Variants in DAPK2 observed in about 807,000 individuals in gnomAD.
The protein encoded by DAPK2 is death associated protein kinase 2, also known as death-associated protein kinase 2.
Under a neutral mutation model 44.1 loss-of-function variants are expected in DAPK2, and 35 were observed. That is an observed-to-expected ratio of 0.79 (90% CI 0.61 to 1.05). The LOEUF is 1.05. DAPK2 is among the 50% of genes least tolerant of loss of function. The pLI, the probability that DAPK2 is intolerant of heterozygous loss-of-function variation, is 0.00. For synonymous variants in DAPK2, 174 were observed against 182.6 expected (o/e 0.95, Z 0.38); for missense variants, 453 against 483.2 (o/e 0.94, Z 0.59).
intron 3 of DAPK2, among the ~76,000 whole-genome samples, chr15:63,952,799 C>T (rs542320097): frequency 3.9e-5 from 6 of 152,246 alleles, no homozygotes; most frequent in African/African-American, 1.4e-4. Flanking sequence ...CTTTGTGTTA[C>T]AAACAAAGCA....
chr15:63,982,555 C>T (rs1407604818), intron 2 of DAPK2, among the ~76,000 whole-genome samples: 1 of 152,170 alleles, frequency 6.6e-6, no homozygotes. Context: ...CACAACCCAA[C>T]TCAAACTCTA....
intron 1 of DAPK2, among the ~76,000 whole-genome samples, chr15:63,987,930 T>C (rs555181130): frequency 6.6e-6 from 1 of 151,988 alleles, no homozygotes; most frequent in Non-Finnish European, 1.5e-5. Flanking sequence ...GTTTGGGAAA[T>C]CATGAGGTAA....
rs914974473 is a variant in DAPK2, at chr15:64,002,099, C to T, written c.93-18345G>A. ...TACACTCTCAAATCCTTGGGAGGCT[C>T]ATGGGGACAGGTATTGCCAACTCCT... On this transcript the variant is annotated intron_variant, in intron 1 of 10. Transcript: ENST00000261891. Among the ~76,000 whole-genome samples, 5 of 152,322 alleles carry T rather than the reference C, an allele frequency of 3.3e-5. No homozygotes were observed. The East Asian group carries it at 9.6e-4, about 29-fold the overall frequency.
chr15:63,984,431 C>T (rs2078616100), intron 1 of DAPK2, among the ~76,000 whole-genome samples: 2 of 152,146 alleles, frequency 1.3e-5, no homozygotes, highest in East Asian at 1.9e-4. Flanking sequence ...AAACCCATTA[C>T]TCCAGGGACA....
intron 1 of DAPK2, among the ~76,000 whole-genome samples, chr15:64,007,609 T>C: frequency 6.6e-6 from 1 of 152,238 alleles, no homozygotes; most frequent in East Asian, 1.9e-4. Context: ...AGCTCTGTGA[T>C]GCTTCTCCTA....
rs1392469917 is a variant in DAPK2, at chr15:64,036,271, ATATGTGTGTGTGTG to A, written c.92+3885_92+3898del. Reference sequence around the variant, plus strand: ...TGAAACTCCATCTCAAAATATATATATATGTGTGTGTGTGTGTGTGTGTGTGTGTGTGTGTGTGT... The same window carrying A: ...TGAAACTCCATCTCAAAATATATATATGTGTGTGTGTGTGTGTGTGTGTGT... On this transcript the variant is annotated intron_variant, in intron 1 of 10. Coordinates refer to ENST00000261891, the Ensembl canonical transcript of DAPK2. 7.7e-4 allele frequency among the ~76,000 whole-genome samples: 66 copies of A among 85,334 alleles called. 1 individual carries two copies. Among genetic ancestry groups the A allele is most frequent in the African/African-American group, 2.3e-3 (61 of 26,070 alleles). The allele number at this position is 85,334 out of a possible 152,430, so 56.0% of individuals were successfully genotyped here. A position where few individuals can be genotyped will look rare whatever the true frequency, so the allele number is the denominator to read the frequency against.
At chr15:63,991,546 CAG>C (rs1385908637) in intron 1 of DAPK2, among the ~76,000 whole-genome samples, 2 of 152,076 alleles carry the variant, frequency 1.3e-5, no homozygotes, top group African/African-American at 4.8e-5. Context: ...ATATGTAAAA[CAG>C]ATGAAAAGCT....
chr15:64,046,334 AGGCGCGGCGGGAGCGGCGGGCGC>A (rs2080464485), upstream of DAPK2: 3 of 191,966 alleles, frequency 1.6e-5, no homozygotes, highest in African/African-American at 1.5e-4. This position sits in a 1 kb window ranked among gnomAD's most constrained non-coding sequence, Gnocchi z 5.3. Context: ...CGGCCGCGGC[AGGCGCGGCGGGAGCGGCGGGCGC>A]GGCGGGCGCG....
intron 8 of DAPK2, chr15:63,922,832 C>G (rs1055145026): frequency 6.5e-7 from 1 of 1,535,748 alleles, no homozygotes; most frequent in South Asian, 1.2e-5. Flanking sequence ...GGAGCCCAGG[C>G]CCTCAGAGCT....
At chr15:64,040,084 C>T (rs2080312584) in intron 1 of DAPK2, 86 bp downstream of exon 2, 6 of 1,061,114 alleles carry the variant, frequency 5.7e-6, no homozygotes, top group Admixed American at 1.7e-5. Context: ...TGTGGCCCTG[C>T]CTTCCAACAC....
rs763828725 is a variant in DAPK2 at position 63,983,794 on chromosome 15, G to A, written c.93-40C>T. ...ACCCACAAGATTAGGTCATCACTGT[G>A]GTCATTGGGGAAATGACCCCACTGT... On this transcript the variant is annotated intron_variant, in intron 1 of 10. Coordinates refer to ENST00000261891, the Ensembl canonical transcript of DAPK2. The A allele has an allele frequency of 1.5e-5, 23 of 1,576,718 alleles. 1 individual carries two copies. In the African/African-American group the frequency reaches 2.2e-4, roughly 15 times the overall value.
Position 63,966,768 on chromosome 15 carries a change from C to T in DAPK2, c.453+4655G>A, listed in dbSNP as rs1324716582. ...CTGCACTCTCCCTCCCCCAAGTGCA[C>T]AGGTTCTTTCTCCATGCAACATGGC... is the stretch of plus-strand genomic sequence containing the variant. On this transcript the variant is annotated intron_variant, in intron 3 of 10. Coordinates refer to ENST00000261891, the Ensembl canonical transcript of DAPK2. The surrounding 1 kb of genome is among the most constrained non-coding windows in gnomAD (Gnocchi z 5.5). Among the ~76,000 whole-genome samples the T allele has an allele frequency of 2.0e-5, 3 of 152,194 alleles. No individual in the cohort carries two copies. Among genetic ancestry groups the T allele is most frequent in the Non-Finnish European group, 2.9e-5 (2 of 68,028 alleles).
intron 6 of DAPK2, 31 bp downstream of exon 7, chr15:63,929,520 G>A (rs760099713): frequency 6.2e-7 from 1 of 1,613,768 alleles, no homozygotes; most frequent in South Asian, 1.1e-5. Flanking sequence ...GATCTAAGCT[G>A]AGCCAGAGCC....
At position 64,040,171 on chromosome 15, in the gene DAPK2, TC is replaced by T; in HGVS notation, c.90del (p.Ser31ValfsTer7). On this transcript the variant is annotated frameshift_variant and splice_region_variant, in exon 1 of 11. Transcript: ENST00000261891. LOFTEE classifies it high-confidence loss of function. ...CCCACCTCTCACACAGTCTCCTACC[TC>T]CCCAGCTCCTCTCCGATGTCATAAA... 6.2e-7 allele frequency: 1 copy of T among 1,613,044 alleles called. No homozygotes were observed. The highest frequency in any genetic ancestry group is 8.5e-7 in the Non-Finnish European group (1 of 1,179,228).
At chr15:64,014,466 G>A (rs2079468880) in intron 1 of DAPK2, among the ~76,000 whole-genome samples, 1 of 152,226 alleles carries the variant, frequency 6.6e-6, no homozygotes, top group Non-Finnish European at 1.5e-5. Flanking sequence ...AATGATTTAG[G>A]AACAGAGAGG....
Position 63,959,975 on chromosome 15 carries a change from G to A in DAPK2, c.453+11448C>T, listed in dbSNP as rs563633887. ...TCTGGTAGAATTCGGCTGTGAATCC[G>A]TCTGGTCCTGGACATTTTTTGGTTG... On this transcript the variant is annotated intron_variant, in intron 3 of 10. Coordinates refer to ENST00000261891, the Ensembl canonical transcript of DAPK2. Among the ~76,000 whole-genome samples, 29 of 150,572 alleles carry A rather than the reference G, an allele frequency of 1.9e-4. No homozygotes were observed. The South Asian group carries it at 4.7e-3, about 24-fold the overall frequency.
intron 1 of DAPK2, 100 bp from the exon 3 acceptor site, chr15:63,983,854 G>A: frequency 8.4e-7 from 1 of 1,186,470 alleles, no homozygotes; most frequent in South Asian, 1.4e-5. Flanking sequence ...GAGTGATTCT[G>A]CCAGGACAGG....
intron 1 of DAPK2, among the ~76,000 whole-genome samples, chr15:64,001,179 A>C (rs1002390251): frequency 6.6e-6 from 1 of 150,642 alleles, no homozygotes; most frequent in African/African-American, 2.4e-5. Context: ...ACCCGGCCAG[A>C]GTCAACACTC....
At chr15:63,944,304 C>A (rs1404006721) in intron 3 of DAPK2, among the ~76,000 whole-genome samples, 1 of 152,162 alleles carries the variant, frequency 6.6e-6, no homozygotes, top group Non-Finnish European at 1.5e-5. Flanking sequence ...AGACTCAGAC[C>A]TGCCCTGATT....
Sources: gnomAD v4.1 joint callset for allele counts (sites outside exome capture counted in the v4.1 genomes callset) on GRCh38, gnomAD v4.1.1 for gene constraint, Gnocchi (gnomAD v3.1) non-coding constraint, MANE v1.5 for transcripts, NCBI Gene and HGNC (gene_info 2026-07-23, HGNC 2026-07-21) for gene names.